Variants in CFHR4 observed in about 807,000 individuals in gnomAD.
CFHR4 encodes complement factor H related 4.
A neutral mutation model predicts 69.3 loss-of-function variants in CFHR4; 64 were observed. The ratio of observed to expected loss-of-function variants is 0.92; its 90% CI spans 0.76 to 1.14. CFHR4 has a LOEUF of 1.14. CFHR4 is among the 50% of genes most tolerant of loss of function. CFHR4 has a pLI of 0.00. For missense variants in CFHR4, 636 were observed against 684.9 expected (o/e 0.93, Z 0.80); for synonymous variants, 244 against 237.0 (o/e 1.03, Z -0.27).
At chr1:196,900,300 A>G (rs1315387520) in intron 1 of CFHR4, among the ~76,000 whole-genome samples, 2 of 143,812 alleles carry the variant, frequency 1.4e-5, no homozygotes, top group Non-Finnish European at 3.0e-5. Flanking sequence ...TTCAGTGCCA[A>G]TCAGATCATA....
intron 1 of CFHR4, among the ~76,000 whole-genome samples, chr1:196,889,120 G>A (rs1656885996): frequency 6.6e-6 from 1 of 151,398 alleles, no homozygotes; most frequent in African/African-American, 2.4e-5. Context: ...TGTAATGGAG[G>A]ATAATATTGG....
intron 7 of CFHR4, among the ~76,000 whole-genome samples, chr1:196,913,563 T>C (rs1230396776): frequency 2.0e-5 from 3 of 151,538 alleles, no homozygotes; most frequent in Non-Finnish European, 4.4e-5. Flanking sequence ...TTACTTATTA[T>C]GATAAAGAGA....
chr1:196,892,972 A>T (rs1657110239), intron 1 of CFHR4, among the ~76,000 whole-genome samples: 1 of 151,612 alleles, frequency 6.6e-6, no homozygotes, highest in African/African-American at 2.4e-5. Flanking sequence ...TAACCCTAAT[A>T]TTAATGGACA....
chr1:196,911,705 C>G (rs1435602208), intron 6 of CFHR4, among the ~76,000 whole-genome samples: 4 of 151,472 alleles, frequency 2.6e-5, no homozygotes, highest in Admixed American at 6.6e-5. Flanking sequence ...CAACTGTCCT[C>G]AACAATAGGC....
intron 1 of CFHR4, among the ~76,000 whole-genome samples, chr1:196,895,819 C>G (rs1394719969): frequency 6.6e-6 from 1 of 151,292 alleles, no homozygotes; most frequent in Non-Finnish European, 1.5e-5. Flanking sequence ...CTTTGTATGA[C>G]ATAATTTTTT....
chr1:196,909,794 C>A (rs1405573989), intron 5 of CFHR4, among the ~76,000 whole-genome samples: 2 of 151,016 alleles, frequency 1.3e-5, no homozygotes, highest in African/African-American at 2.4e-5. Context: ...ATGTAACAAA[C>A]CTTCACATCC....
At position 196,888,748 on chromosome 1, in the gene CFHR4, A is replaced by G. The variant is rs897202855; in HGVS notation, c.58+540A>G. On this transcript the variant is annotated intron_variant, in intron 1 of 9. Transcript: ENST00000608469. ...ATTTAATATTTCAACAAGATTAGCA[A>G]TATGTAAATCACAACATATATGTAA... Among the ~76,000 whole-genome samples, 11 of 151,528 alleles carry G rather than the reference A, an allele frequency of 7.3e-5. 2 individuals carry two copies. The highest frequency in any genetic ancestry group is 2.7e-4 in the African/African-American group (11 of 41,146).
intron 2 of CFHR4, 47 bp from the exon 3 acceptor site, chr1:196,905,061 A>G (rs776206504): frequency 6.9e-7 from 1 of 1,455,234 alleles, no homozygotes; most frequent in East Asian, 2.4e-5. Flanking sequence ...TCTATAAAAG[A>G]AGTATTCAAC....
rs565842280 is a variant in CFHR4, at chr1:196,917,951, G to A, written c.1541-259G>A. Among the ~76,000 whole-genome samples, 108 of 151,584 alleles carry A rather than the reference G, an allele frequency of 7.1e-4. 3 individuals carry two copies. Among genetic ancestry groups the A allele is most frequent in the African/African-American group, 2.5e-3 (102 of 41,108 alleles). Reference sequence around the variant, plus strand: ...ACACAACATGTTTTAGGGAAGAAGAGTTCAGGCTCTAGAGAAAGACTGCCA... The same window carrying A: ...ACACAACATGTTTTAGGGAAGAAGAATTCAGGCTCTAGAGAAAGACTGCCA... On this transcript the variant is annotated intron_variant, in intron 9 of 9. Coordinates refer to ENST00000608469, the MANE Select transcript of CFHR4 (RefSeq NM_001201550.3).
At position 196,914,679 on chromosome 1, in the gene CFHR4, T is replaced by C. The variant is rs1273141194; in HGVS notation, c.1357+8T>C. 6.3e-7 allele frequency: 1 copy of C among 1,587,132 alleles called. No individual in the cohort carries two copies. The highest frequency in any genetic ancestry group is 1.8e-5 in the Admixed American group (1 of 54,080). Reference sequence around the variant, plus strand: ...ATTTCCCAACATGTTATAGTAAGTATTTTATTCAAGTATTTTTTATTAGAA... The same window carrying C: ...ATTTCCCAACATGTTATAGTAAGTACTTTATTCAAGTATTTTTTATTAGAA... On this transcript the variant is annotated splice_region_variant and intron_variant, in intron 8 of 9. Coordinates refer to ENST00000608469, the MANE Select transcript of CFHR4 (RefSeq NM_001201550.3).
chr1:196,915,540 C>A (rs1362715214), intron 9 of CFHR4, among the ~76,000 whole-genome samples: 9 of 151,370 alleles, frequency 5.9e-5, no homozygotes, highest in African/African-American at 2.0e-4. Flanking sequence ...GAGGGTGAGG[C>A]AGGAGAATCA....
intron 7 of CFHR4, among the ~76,000 whole-genome samples, chr1:196,913,984 C>CTT (rs1236296106): frequency 6.6e-6 from 1 of 151,404 alleles, no homozygotes; most frequent in Admixed American, 6.6e-5. Context: ...TTTTACTCAG[C>CTT]TTTGATAAAT....
rs573613960 is a variant in CFHR4, at chr1:196,917,083, T to A, written c.1541-1127T>A. Among the ~76,000 whole-genome samples, 404 of 151,636 alleles carry A rather than the reference T, an allele frequency of 2.7e-3. 1 individual carries two copies. The highest frequency in any genetic ancestry group is 9.1e-3 in the African/African-American group (373 of 41,180). ...TGAATGTATTGAAGAGCTCTTAAAA[T>A]TTTTTGGATCTCAAAAGTGATATGT... On this transcript the variant is annotated intron_variant, in intron 9 of 9. Transcript: ENST00000608469.
rs114215078 is a variant in CFHR4 at position 196,904,404 on chromosome 1, A to T, written c.257-704A>T. On this transcript the variant is annotated intron_variant, in intron 2 of 9. Coordinates refer to ENST00000608469, the MANE Select transcript of CFHR4 (RefSeq NM_001201550.3). ...GGTCCATTTACATTTTTTTCTAATT[A>T]CTAACCAAAAAAGAACATACACATT... 6.8e-3 allele frequency among the ~76,000 whole-genome samples: 1,037 copies of T among 151,642 alleles called. 44 individuals are homozygous for T. The highest frequency in any genetic ancestry group is 0.024 in the African/African-American group (994 of 41,180).
intron 3 of CFHR4, 146 bp downstream of exon 3, chr1:196,905,436 ACT>A: frequency 8.1e-7 from 1 of 1,230,588 alleles, no homozygotes; most frequent in Non-Finnish European, 1.1e-6. Context: ...TCTGTGCCAA[ACT>A]AAGTCTTTTT....
chr1:196,917,060 A>G (rs1382814605), intron 9 of CFHR4, among the ~76,000 whole-genome samples: 11 of 151,794 alleles, frequency 7.2e-5, no homozygotes, highest in African/African-American at 2.7e-4. Flanking sequence ...ACAGCCTCTG[A>G]ATGTATTGAA....
rs1211731354 is a variant in CFHR4 at position 196,918,523 on chromosome 1, T to G, written c.*117T>G. On this transcript the variant is annotated 3_prime_UTR_variant, in exon 10 of 10. Coordinates refer to ENST00000608469, the MANE Select transcript of CFHR4 (RefSeq NM_001201550.3). ...ATTTCTACTTTATTTCAAAGAAAAT[T>G]AATATAATAGTTTCAATTTGCAACT... The G allele has an allele frequency of 2.0e-5, 21 of 1,072,880 alleles. No homozygotes were observed. In the South Asian group the frequency reaches 2.9e-4, roughly 15 times the overall value. The allele number at this position is 1,072,880 out of a possible 1,614,324, so 66.5% of individuals were successfully genotyped here. A position where few individuals can be genotyped will look rare whatever the true frequency, so the allele number is the denominator to read the frequency against.
At chr1:196,910,200 C>T (rs1274796246) in intron 5 of CFHR4, 81 bp from the exon 6 acceptor site, 2 of 648,954 alleles carry the variant, frequency 3.1e-6, no homozygotes, top group Non-Finnish European at 4.6e-6. Flanking sequence ...TGGAAGGTAA[C>T]ATAATCAAAA....
intron 9 of CFHR4, among the ~76,000 whole-genome samples, chr1:196,917,624 G>A (rs1658722512): frequency 6.6e-6 from 1 of 151,194 alleles, no homozygotes; most frequent in African/African-American, 2.5e-5. Flanking sequence ...ATAGATGATG[G>A]TGATAGAGAG....
Sources: gnomAD v4.1 joint callset for allele counts (sites outside exome capture counted in the v4.1 genomes callset) on GRCh38, gnomAD v4.1.1 for gene constraint, MANE v1.5 for transcripts, NCBI Gene and HGNC (gene_info 2026-07-23, HGNC 2026-07-21) for gene names.